Variants in PTPN14 observed in about 807,000 individuals in gnomAD.
PTPN14 encodes the protein tyrosine-protein phosphatase non-receptor type 14.
In PTPN14, 53 loss-of-function variants were observed where a neutral mutation model predicts 126.8. That is an observed-to-expected ratio of 0.42 (90% CI 0.34 to 0.53). PTPN14 has a LOEUF of 0.53. Among genes scored for constraint, PTPN14 ranks in the 20% least tolerant of loss-of-function variants. The pLI is 0.08. For synonymous variants in PTPN14, 630 were observed against 599.3 expected, an observed-to-expected ratio of 1.05 and a Z score of -0.75; for missense variants, 1,257 against 1,552.9, an observed-to-expected ratio of 0.81 and a Z score of 3.20.
intron 1 of PTPN14, among the ~76,000 whole-genome samples, chr1:214,545,430 T>C (rs1655945817): frequency 6.6e-6 from 1 of 152,154 alleles, no homozygotes; most frequent in Non-Finnish European, 1.5e-5. Flanking sequence ...ACTCTTGAGA[T>C]AACAAATCTG....
At chr1:214,479,051 A>G (rs1435753881) in intron 1 of PTPN14, among the ~76,000 whole-genome samples, 5 of 152,026 alleles carry the variant, frequency 3.3e-5, no homozygotes, top group African/African-American at 9.7e-5. Flanking sequence ...CCTTTTTAAA[A>G]TCAGAATTTT....
chr1:214,502,093 CA>C (rs1654717656), intron 1 of PTPN14, among the ~76,000 whole-genome samples: 1 of 142,384 alleles, frequency 7.0e-6, no homozygotes, highest in African/African-American at 2.6e-5. Context: ...GGTTATTTTT[CA>C]AACCACTTTA....
chr1:214,414,491 C>T (rs551126868), intron 4 of PTPN14, 138 bp downstream of exon 4: 27 of 831,458 alleles, frequency 3.2e-5, no homozygotes, highest in Middle Eastern at 2.4e-4. Flanking sequence ...GCATTTTTCA[C>T]GTAAGATAAC....
intron 1 of PTPN14, among the ~76,000 whole-genome samples, chr1:214,486,690 T>G (rs1298760328): frequency 6.6e-6 from 1 of 152,192 alleles, no homozygotes; most frequent in Non-Finnish European, 1.5e-5. Context: ...TGTATGTGTT[T>G]GCTGGAGGCA....
intron 6 of PTPN14, among the ~76,000 whole-genome samples, chr1:214,402,659 A>AGGGAGGGAGGGAGGG (rs1659053585): frequency 0.015 from 4 of 264 alleles, no homozygotes; most frequent in East Asian, 0.17. Flanking sequence ...GGAAGGAAGG[A>AGGGAGGGAGGGAGGG]AGGAAGGAAG....
chr1:214,400,800 G>C (rs1658996904), intron 7 of PTPN14, among the ~76,000 whole-genome samples: 1 of 152,156 alleles, frequency 6.6e-6, no homozygotes, highest in Non-Finnish European at 1.5e-5. Context: ...CTAAAAAAGA[G>C]CCATTTAGCC....
In PTPN14 at chr1:214,448,026, C is replaced by T. The variant is rs373741272; in HGVS notation, c.344+3779G>A. On this transcript the variant is annotated intron_variant, in intron 3 of 18. Coordinates refer to ENST00000366956, the MANE Select transcript of PTPN14 (RefSeq NM_005401.5). ...CCTAAATCCCACAGTTAATAACCAC[C>T]ACTACCAAAACTTTTTACTCTATAC... Among the ~76,000 whole-genome samples, 11 of 152,252 alleles carry T rather than the reference C, an allele frequency of 7.2e-5. No individual in the cohort carries two copies. In the East Asian group the frequency reaches 7.7e-4, roughly 11 times the overall value.
chr1:214,411,779 G>C (rs2102581061), intron 4 of PTPN14, 28 bp from the exon 5 acceptor site: 2 of 1,402,548 alleles, frequency 1.4e-6, no homozygotes, highest in Non-Finnish European at 9.8e-7. Flanking sequence ...TGGAAGGGCA[G>C]TATTTATTAT....
intron 1 of PTPN14, among the ~76,000 whole-genome samples, chr1:214,506,217 A>T (rs1654840073): frequency 6.6e-6 from 1 of 152,182 alleles, no homozygotes; most frequent in Non-Finnish European, 1.5e-5. Context: ...CTAAATATAA[A>T]AACTGGCCAG....
chr1:214,523,847 A>G (rs1054631098), intron 1 of PTPN14, among the ~76,000 whole-genome samples: 4 of 128,250 alleles, frequency 3.1e-5, no homozygotes, highest in Admixed American at 7.6e-5. Context: ...GAGTAATCAG[A>G]TTCTTTTTTT....
At chr1:214,395,217 T>C (rs1658850352) in intron 8 of PTPN14, among the ~76,000 whole-genome samples, 1 of 152,230 alleles carries the variant, frequency 6.6e-6, no homozygotes, top group African/African-American at 2.4e-5. Context: ...AAACTATAGT[T>C]TTCTTTGTGA....
intron 1 of PTPN14, among the ~76,000 whole-genome samples, chr1:214,523,747 C>T (rs1272854048): frequency 6.6e-6 from 1 of 152,172 alleles, no homozygotes; most frequent in Non-Finnish European, 1.5e-5. Context: ...GGAGTCCCTC[C>T]TCCTCCTGCG....
chr1:214,464,219 A>G (rs1398314632), intron 2 of PTPN14, among the ~76,000 whole-genome samples: 1 of 147,652 alleles, frequency 6.8e-6, no homozygotes, highest in Non-Finnish European at 1.5e-5. Flanking sequence ...AAACAACCAA[A>G]AAAAAAAAAA....
rs1289736874 is a variant in PTPN14, at chr1:214,362,404, C to T, written c.3435+2108G>A. ...AAGAATGTTCTGGCATGCAGTTGGG[C>T]ACTGAGGAAATCCGCTATGTTTGGA... On this transcript the variant is annotated intron_variant, in intron 18 of 18. Coordinates refer to ENST00000366956, the MANE Select transcript of PTPN14 (RefSeq NM_005401.5). 2.6e-5 allele frequency among the ~76,000 whole-genome samples: 4 copies of T among 152,322 alleles called. No individual in the cohort carries two copies. In the South Asian group the frequency reaches 8.3e-4, roughly 32 times the overall value.
chr1:214,430,944 T>C (rs1360385312), intron 3 of PTPN14, among the ~76,000 whole-genome samples: 3 of 152,244 alleles, frequency 2.0e-5, no homozygotes, highest in Non-Finnish European at 4.4e-5. Context: ...TCTTGCAGAA[T>C]ACCTTATACT....
chr1:214,395,517 T>C (rs1439748126), intron 8 of PTPN14, among the ~76,000 whole-genome samples: 1 of 151,718 alleles, frequency 6.6e-6, no homozygotes, highest in Non-Finnish European at 1.5e-5. Context: ...GGACTTAGTG[T>C]CAGCTCCATA....
chr1:214,439,951 C>A (rs965705265), intron 3 of PTPN14, among the ~76,000 whole-genome samples: 1 of 152,222 alleles, frequency 6.6e-6, no homozygotes, highest in Non-Finnish European at 1.5e-5. Flanking sequence ...CCCTTTGTTT[C>A]TTCTGTCTGA....
Position 214,551,561 on chromosome 1 carries a change from C to G in PTPN14, c.-533G>C, listed in dbSNP as rs980080881. 6.6e-6 allele frequency: 1 copy of G among 152,298 alleles called. No homozygotes were observed. The highest frequency in any genetic ancestry group is 1.5e-5 in the Non-Finnish European group (1 of 68,164). 9.4% of individuals were successfully genotyped at this position (152,298 alleles called of 1,614,324 possible). A position where few individuals can be genotyped will look rare whatever the true frequency, so the allele number is the denominator to read the frequency against. On this transcript the variant is annotated 5_prime_UTR_variant, in exon 1 of 19. Transcript: ENST00000366956. ...GAAGCACAGCAACCTGCCCCCGAGTCTGCGCCCGCTGCGCTCACTCCGCCG... is the reference window on the plus strand; with the variant it reads ...GAAGCACAGCAACCTGCCCCCGAGTGTGCGCCCGCTGCGCTCACTCCGCCG...
chr1:214,527,345 C>A (rs926803017), intron 1 of PTPN14, among the ~76,000 whole-genome samples: 5 of 152,072 alleles, frequency 3.3e-5, no homozygotes, highest in Non-Finnish European at 5.9e-5. Context: ...GTAACCAATG[C>A]CAACTTAGAA....
Sources: gnomAD v4.1 joint callset for allele counts (sites outside exome capture counted in the v4.1 genomes callset) on GRCh38, gnomAD v4.1.1 for gene constraint, MANE v1.5 for transcripts, NCBI Gene and HGNC (gene_info 2026-07-23, HGNC 2026-07-21) for gene names.